Variants in NAMPT observed in about 807,000 individuals in gnomAD.
NAMPT encodes the protein NAmPRTase.
NAMPT carries 7 observed loss-of-function variants against 58.7 expected under a neutral mutation model. The ratio of observed to expected loss-of-function variants is 0.12; its 90% CI spans 0.07 to 0.22. The LOEUF (loss-of-function observed/expected upper bound fraction) is 0.22. Among genes scored for constraint, NAMPT ranks in the 10% least tolerant of loss-of-function variants. The pLI, the probability that NAMPT is intolerant of heterozygous loss-of-function variation, is 1.00. For synonymous variants in NAMPT, 145 were observed against 198.1 expected (o/e 0.73, Z 2.25); for missense variants, 271 against 567.9 (o/e 0.48, Z 5.31).
intron 6 of NAMPT, among the ~76,000 whole-genome samples, chr7:106,267,888 A>C (rs1245062785): frequency 1.5e-5 from 2 of 131,038 alleles, no homozygotes; most frequent in African/African-American, 2.7e-5. Flanking sequence ...AACCTGATTT[A>C]CTTTTAATAA....
intron 6 of NAMPT, among the ~76,000 whole-genome samples, chr7:106,267,862 AAAAAAAAAAAAAAAC>A (rs1792452431): frequency 7.2e-6 from 1 of 137,992 alleles, no homozygotes; most frequent in African/African-American, 2.6e-5. Flanking sequence ...AAAAAAAAAA[AAAAAAAAAAAAAAAC>A]AACCTGATTT....
chr7:106,254,276 C>T, intron 9 of NAMPT, 88 bp downstream of exon 9: 1 of 1,452,734 alleles, frequency 6.9e-7, no homozygotes. Flanking sequence ...ACGGCCACAT[C>T]AATCTTTGAC....
intron 6 of NAMPT, among the ~76,000 whole-genome samples, chr7:106,265,711 T>G (rs1469818426): frequency 6.6e-6 from 1 of 152,188 alleles, no homozygotes; most frequent in African/African-American, 2.4e-5. Flanking sequence ...ATACTTGCTC[T>G]GGCACTCTCT....
chr7:106,283,028 A>C (rs1792795924), intron 1 of NAMPT, among the ~76,000 whole-genome samples: 1 of 152,226 alleles, frequency 6.6e-6, no homozygotes, highest in Admixed American at 6.5e-5. Flanking sequence ...GTGACTGTGG[A>C]ATACACAATC....
chr7:106,257,562 T>A (rs1249366107), intron 8 of NAMPT, among the ~76,000 whole-genome samples: 2 of 149,922 alleles, frequency 1.3e-5, no homozygotes, highest in Non-Finnish European at 3.0e-5. Context: ...CCCTGGGAGG[T>A]TGAGGCTGCA....
At chr7:106,281,329 T>C (rs962048180) in intron 1 of NAMPT, among the ~76,000 whole-genome samples, 1 of 152,158 alleles carries the variant, frequency 6.6e-6, no homozygotes, top group African/African-American at 2.4e-5. Context: ...TAGGGCTGAT[T>C]TGATGTCTTA....
Position 106,284,837 on chromosome 7 carries a change from G to A in NAMPT, c.48C>T (p.Asp16=), listed in dbSNP as rs369623120. The A allele has an allele frequency of 5.8e-5, 91 of 1,565,412 alleles. No individual in the cohort carries two copies. Among genetic ancestry groups the A allele is most frequent in the Middle Eastern group, 3.5e-4 (2 of 5,778 alleles). ...GGGCCCCGAGCTTTACCTTGTAGGA[G>A]TCGGTGGCCAGGAGGATGTTGAACT... ...EAEFNILLAT[D]SYKVTHYKQY... Residue 16 remains aspartate (D), a synonymous_variant, in exon 1 of 11, where the codon GAC becomes GAT. Transcript: ENST00000222553.
At chr7:106,265,177 A>AAT (rs1792386813) in intron 6 of NAMPT, among the ~76,000 whole-genome samples, 1 of 152,108 alleles carries the variant, frequency 6.6e-6, no homozygotes, top group Admixed American at 6.6e-5. Flanking sequence ...TTTCTCTTTA[A>AAT]AAAGGAGAGA....
chr7:106,268,422 TGAAAAA>T, intron 6 of NAMPT, 36 bp downstream of exon 6: 1 of 1,580,444 alleles, frequency 6.3e-7, no homozygotes, highest in Non-Finnish European at 8.6e-7. Context: ...AATACAAGAG[TGAAAAA>T]ATTAGTAGTT....
upstream of NAMPT, chr7:106,285,271 A>C: frequency 1.3e-6 from 1 of 798,230 alleles, no homozygotes; most frequent in African/African-American, 1.8e-5. Flanking sequence ...CAGCTCTGGG[A>C]AGCTGGAGGC....
intron 8 of NAMPT, among the ~76,000 whole-genome samples, chr7:106,260,230 T>C (rs1792279738): frequency 2.0e-5 from 3 of 152,242 alleles, no homozygotes; most frequent in Admixed American, 2.0e-4. Flanking sequence ...GCATCAATGA[T>C]CTTAGCTAGA....
chr7:106,249,119 A>G lies in NAMPT; in HGVS notation c.*1964T>C, dbSNP rs1792066941. ...TTTGATTCTTTACACGCCCCTTAGCACATTTTGTGAAGAAATGTGTGTTTT... is the reference window on the plus strand; with the variant it reads ...TTTGATTCTTTACACGCCCCTTAGCGCATTTTGTGAAGAAATGTGTGTTTT... On this transcript the variant is annotated 3_prime_UTR_variant, in exon 11 of 11. Coordinates refer to ENST00000222553, the MANE Select transcript of NAMPT (RefSeq NM_005746.3). 1 of 152,408 alleles carries G rather than the reference A, an allele frequency of 6.6e-6. No homozygotes were observed. The highest frequency in any genetic ancestry group is 2.1e-4 in the South Asian group (1 of 4,836). The allele number at this position is 152,408 out of a possible 1,614,324, so 9.4% of individuals were successfully genotyped here.
In NAMPT at chr7:106,274,938, T is replaced by C. The variant is rs759936404; in HGVS notation, c.318+8A>G. 66 of 1,554,514 alleles carry C rather than the reference T, an allele frequency of 4.2e-5. No homozygotes were observed. Among genetic ancestry groups the C allele is most frequent in the South Asian group, 2.2e-4 (19 of 88,022 alleles). The stretch of plus-strand genomic sequence containing the variant: ...CAAAACAGATCAAAAGATGAAACCA[T>C]CTTTTACCTCAAGAATGTAGTTCCA... On this transcript the variant is annotated splice_region_variant and intron_variant, in intron 3 of 10. Coordinates refer to ENST00000222553, the MANE Select transcript of NAMPT (RefSeq NM_005746.3).
At chr7:106,259,045 C>A (rs1314325698) in intron 8 of NAMPT, among the ~76,000 whole-genome samples, 1 of 152,232 alleles carries the variant, frequency 6.6e-6, no homozygotes, top group African/African-American at 2.4e-5. Context: ...ACTGATTTTA[C>A]TGATATTCGA....
At chr7:106,263,850 G>T (rs1382606358) in intron 6 of NAMPT, among the ~76,000 whole-genome samples, 1 of 152,026 alleles carries the variant, frequency 6.6e-6, no homozygotes, top group Admixed American at 6.6e-5. Flanking sequence ...CAATGGTTAA[G>T]TTTCTAACCT....
intron 2 of NAMPT, chr7:106,276,165 GAA>G (rs1032670772): frequency 1.3e-5 from 2 of 152,188 alleles, no homozygotes; most frequent in Non-Finnish European, 2.9e-5. Context: ...CAAGATTATA[GAA>G]AAGAGTTATT....
chr7:106,253,392 C>T, intron 9 of NAMPT: 4 of 425,806 alleles, frequency 9.4e-6, no homozygotes, highest in Non-Finnish European at 1.7e-5. Context: ...CACTGAAGAA[C>T]ACCTAATACT....
At chr7:106,258,220 G>T (rs1260153999) in intron 8 of NAMPT, among the ~76,000 whole-genome samples, 1 of 152,188 alleles carries the variant, frequency 6.6e-6, no homozygotes, top group Non-Finnish European at 1.5e-5. Flanking sequence ...TATTACAAGA[G>T]ATCTATTCCG....
intron 9 of NAMPT, 67 bp downstream of exon 9, chr7:106,254,297 A>G (rs1562811512): frequency 1.9e-6 from 3 of 1,568,084 alleles, no homozygotes; most frequent in Non-Finnish European, 2.6e-6. Context: ...AAATGCACTC[A>G]ATAACCACAT....
Sources: gnomAD v4.1 joint callset for allele counts (sites outside exome capture counted in the v4.1 genomes callset) on GRCh38, gnomAD v4.1.1 for gene constraint, MANE v1.5 for transcripts, NCBI Gene and HGNC (gene_info 2026-07-23, HGNC 2026-07-21) for gene names.